The following ABCA7 variants were observed in gnomAD, a reference collection of about 807,000 sequenced individuals.
The protein encoded by ABCA7 is ATP binding cassette subfamily A member 7, also known as phospholipid-transporting ATPase ABCA7.
Under a neutral mutation model 227.6 loss-of-function variants are expected in ABCA7, and 261 were observed. The observed-to-expected ratio is 1.15, with a 90% CI of 1.04 to 1.27. The LOEUF (loss-of-function observed/expected upper bound fraction) is 1.27, where lower values mean the gene tolerates loss of function less well. ABCA7 is among the 50% of genes most tolerant of loss of function. The pLI, the probability that ABCA7 is intolerant of heterozygous loss-of-function variation, is 0.00. For synonymous variants in ABCA7, 1,488 were observed against 1,279.7 expected (o/e 1.16, Z -3.47); for missense variants, 3,331 against 2,924.5 (o/e 1.14, Z -3.21).
chr19:1,052,259 A>G lies in ABCA7; in HGVS notation c.3193A>G (p.Lys1065Glu). ...CAGTGTGGACACCAGGCAGGAAAAG[A>G]AGAATGGCAGCCAGGGCAGCAGAGT... is the stretch of plus-strand genomic sequence containing the variant. Reference protein sequence around the residue: ...EGSVDTRQEKKNGSQGSRVGT... With the variant: ...EGSVDTRQEKENGSQGSRVGT... Residue 1065 changes from lysine (K) to glutamate (E), a missense_variant, in exon 23 of 47, where the codon AAG (lysine) becomes GAG (glutamate). By Grantham distance (56) the Lys-to-Glu change is moderately conservative. Coordinates refer to ENST00000263094, the MANE Select transcript of ABCA7 (RefSeq NM_019112.4). 6.5e-7 allele frequency: 1 copy of G among 1,549,674 alleles called. No homozygotes were observed. Among genetic ancestry groups the G allele is most frequent in the African/African-American group, 1.4e-5 (1 of 70,806 alleles).
chr19:1,042,520 C>T (rs753273359), intron 6 of ABCA7, 123 bp downstream of exon 6: 1 of 1,273,706 alleles, frequency 7.9e-7, no homozygotes, highest in African/African-American at 1.5e-5. Flanking sequence ...CTGGTCTCTG[C>T]GGTGATGCTG....
chr19:1,048,594 G>C (rs1354409215), intron 16 of ABCA7, among the ~76,000 whole-genome samples: 1 of 151,374 alleles, frequency 6.6e-6, no homozygotes, highest in Non-Finnish European at 1.5e-5. Flanking sequence ...CAGATCACGA[G>C]GTCAGGAGAT....
chr19:1,047,556 C>T lies in ABCA7; in HGVS notation c.2171C>T (p.Thr724Met), dbSNP rs368240505. 5.0e-6 allele frequency: 8 copies of T among 1,601,662 alleles called. No homozygotes were observed. The highest frequency in any genetic ancestry group is 4.5e-5 in the East Asian group (2 of 44,810). Residue 724 changes from threonine (T) to methionine (M), a missense_variant, in exon 16 of 47, where the codon ACG becomes ATG. Transcript: ENST00000263094. ...AQWHNVGTRP[T>M]ADVFSLAQVS... ...TGGCACAACGTGGGCACCCGGCCTA[C>T]GGCAGACGTCTTCAGCCTGGCCCAG...
At position 1,064,962 on chromosome 19, in the gene ABCA7, G is replaced by A. The variant is rs780172584; in HGVS notation, c.6076G>A (p.Val2026Met). The A allele has an allele frequency of 1.3e-6, 2 of 1,543,902 alleles. No individual in the cohort carries two copies. The highest frequency in any genetic ancestry group is 2.0e-5 in the Admixed American group (1 of 50,846). The change falls in exon 46 of 47, where the codon GTG becomes ATG. Residue 2026 changes from valine (V) to methionine (M), a missense_variant. Physicochemically the swap from Val to Met is conservative, Grantham distance 21. Transcript: ENST00000263094. ...GGCGGGTCACACACTGACCCTGCGG[G>A]TGCCCGCCGCAAGGTCCCAGCCGGC... ...FAAGHTLTLR[V>M]PAARSQPAAA...
chr19:1,065,234 C>A, intron 46 of ABCA7, 36 bp from the exon 47 acceptor site: 1 of 1,608,520 alleles, frequency 6.2e-7, no homozygotes, highest in East Asian at 2.2e-5. Flanking sequence ...GTGGGCTGAC[C>A]GTCCCTCTTG....
At chr19:1,042,545 C>A in intron 6 of ABCA7, 148 bp downstream of exon 6, 1 of 1,116,372 alleles carries the variant, frequency 9.0e-7, no homozygotes, top group Non-Finnish European at 1.3e-6. Flanking sequence ...TCCGTCTGGG[C>A]CCCCAGACAG....
intron 24 of ABCA7, 79 bp from the exon 25 acceptor site, chr19:1,053,709 G>T: frequency 6.4e-7 from 1 of 1,559,054 alleles, no homozygotes. Flanking sequence ...GACCCATGGT[G>T]TAGGAGGGGT....
At chr19:1,041,757 C>A (rs2040057593) in intron 3 of ABCA7, 74 bp from the exon 4 acceptor site, 3 of 1,586,946 alleles carry the variant, frequency 1.9e-6, no homozygotes, top group Admixed American at 1.8e-5. Flanking sequence ...GGCATGCAAG[C>A]GGTGCCGGGC....
At position 1,063,644 on chromosome 19, in the gene ABCA7, T is replaced by A. The variant is rs1224812380; in HGVS notation, c.5813T>A (p.Leu1938Gln). Residue 1938 changes from leucine (L) to glutamine (Q), a missense_variant, in exon 43 of 47, where the codon CTG becomes CAG. Leu to Gln is a moderately radical substitution (Grantham distance 113). Coordinates refer to ENST00000263094, the MANE Select transcript of ABCA7 (RefSeq NM_019112.4). ...GGNKRKLATA[L>Q]ALVGDPAVVF... ...AACAAACGCAAGCTGGCGACGGCCC[T>A]GGCGCTGGTTGGGGACCCAGCCGTG... The A allele has an allele frequency of 1.9e-6, 3 of 1,609,920 alleles. No homozygotes were observed. In the South Asian group the frequency reaches 3.3e-5, roughly 18 times the overall value.
chr19:1,048,803 C>G, intron 16 of ABCA7, 92 bp from the exon 17 acceptor site: 3 of 655,530 alleles, frequency 4.6e-6, no homozygotes, highest in Non-Finnish European at 7.2e-6. Context: ...AGCAAGACTC[C>G]GTCTCAAAAA....
chr19:1,045,238 C>T lies in ABCA7; in HGVS notation c.1445+7C>T, dbSNP rs943244307. 7 of 1,038,244 alleles carry T rather than the reference C, an allele frequency of 6.7e-6. No individual in the cohort carries two copies. Among genetic ancestry groups the T allele is most frequent in the Admixed American group, 3.9e-5 (2 of 51,582 alleles). The allele number at this position is 1,038,244 out of a possible 1,614,324, so 64.3% of individuals were successfully genotyped here. On this transcript the variant is annotated splice_region_variant and intron_variant, in intron 12 of 46. Coordinates refer to ENST00000263094, the MANE Select transcript of ABCA7 (RefSeq NM_019112.4). ...CCAATAAGATCAGGGACAGGTCAGG[C>T]GAGGGAGGGGGCGGGGGGATGAGGG...
chr19:1,056,561 C>A lies in ABCA7; in HGVS notation c.4586+62C>A. 1 of 1,529,992 alleles carries A rather than the reference C, an allele frequency of 6.5e-7. No individual in the cohort carries two copies. The highest frequency in any genetic ancestry group is 1.2e-5 in the South Asian group (1 of 85,074). 94.8% of individuals were successfully genotyped at this position (1,529,992 alleles called of 1,614,324 possible). On this transcript the variant is annotated intron_variant, in intron 33 of 46. Coordinates refer to ENST00000263094, the MANE Select transcript of ABCA7 (RefSeq NM_019112.4). The surrounding 1 kb of genome is among the most constrained non-coding windows in gnomAD (Gnocchi z 4.3). Reference sequence around the variant, plus strand: ...TCCTACCCTGCCTCCATTTCTCTGTCGTTTGGGGTGGTGGGAGCTGGATTT... The same window carrying A: ...TCCTACCCTGCCTCCATTTCTCTGTAGTTTGGGGTGGTGGGAGCTGGATTT...
In ABCA7 at chr19:1,044,561, C is replaced by T. The variant is rs1568244802; in HGVS notation, c.1048-16C>T. Reference sequence around the variant, plus strand: ...TGTGCCCGACCCAGACTCTCACTTTCACCTGCGCCCCCCAGCGGCTCCTGC... The same window carrying T: ...TGTGCCCGACCCAGACTCTCACTTTTACCTGCGCCCCCCAGCGGCTCCTGC... On this transcript the variant is annotated splice_polypyrimidine_tract_variant and intron_variant, in intron 10 of 46. Transcript: ENST00000263094. The T allele has an allele frequency of 8.7e-6, 14 of 1,605,648 alleles. No homozygotes were observed. In the East Asian group the frequency reaches 3.1e-4, roughly 36 times the overall value.
At chr19:1,062,426 C>T in intron 42 of ABCA7, 113 bp downstream of exon 42, 1 of 1,495,038 alleles carries the variant, frequency 6.7e-7, no homozygotes, top group Non-Finnish European at 9.0e-7. Context: ...CATCCCTGTC[C>T]CTGCCCCCAG....
rs1336173595 is a variant in ABCA7, at chr19:1,044,083, C to T, written c.1047+242C>T. Among the ~76,000 whole-genome samples the T allele has an allele frequency of 2.7e-5, 4 of 150,880 alleles. No individual in the cohort carries two copies. In the East Asian group the frequency reaches 7.8e-4, roughly 29 times the overall value. On this transcript the variant is annotated intron_variant, in intron 10 of 46. Coordinates refer to ENST00000263094, the MANE Select transcript of ABCA7 (RefSeq NM_019112.4). ...CTCTGAGTAGCTGGGACTACAGGCG[C>T]CCACCACCACGCCCGGATGATTTTT...
chr19:1,062,765 A>T (rs1236379013), intron 42 of ABCA7, among the ~76,000 whole-genome samples: 1 of 90,630 alleles, frequency 1.1e-5, no homozygotes, highest in African/African-American at 4.2e-5. Context: ...CCCCACCCTC[A>T]CACTGTCCCA....
chr19:1,057,777 GA>G (rs4147943), intron 35 of ABCA7, 137 bp from the exon 36 acceptor site: 24,960 of 962,076 alleles, frequency 0.026, 291 homozygotes, highest in African/African-American at 0.12. Flanking sequence ...AAGAGAGAAA[GA>G]AAAAAAAAAA....
At chr19:1,048,824 CAAA>C (rs2041037258) in intron 16 of ABCA7, 68 bp from the exon 17 acceptor site, 1 of 580,906 alleles carries the variant, frequency 1.7e-6, no homozygotes, top group African/African-American at 3.9e-5. Context: ...AAAAAAAAAA[CAAA>C]ACCCCAAAAA....
Position 1,045,192 on chromosome 19 carries a change from A to T in ABCA7, c.1406A>T (p.Asp469Val). The part of the protein sequence containing the change: ...PGHVRIKIRM[D>V]IDVVTRTNKI... ...CACGTGCGCATCAAAATCCGCATGGACATTGACGTGGTCACGAGGACCAAT... is the reference window on the plus strand; with the variant it reads ...CACGTGCGCATCAAAATCCGCATGGTCATTGACGTGGTCACGAGGACCAAT... Residue 469 changes from aspartate to valine, a missense_variant, in exon 12 of 47, where the codon GAC (aspartate) becomes GTC (valine). Coordinates refer to ENST00000263094, the MANE Select transcript of ABCA7 (RefSeq NM_019112.4). The T allele has an allele frequency of 6.2e-7, 1 of 1,612,434 alleles. No individual in the cohort carries two copies. The highest frequency in any genetic ancestry group is 1.1e-5 in the South Asian group (1 of 91,086).
Sources: allele counts gnomAD v4.1 joint callset (sites outside exome capture counted in the v4.1 genomes callset), GRCh38; gene constraint gnomAD v4.1.1; non-coding constraint Gnocchi (gnomAD v3.1); transcripts MANE v1.5; gene names NCBI Gene and HGNC (gene_info 2026-07-23, HGNC 2026-07-21).